Variants in TRIM46 observed in about 807,000 individuals in gnomAD.
TRIM46 encodes the protein tripartite motif-containing protein 46.
Under a neutral mutation model 69.7 loss-of-function variants are expected in TRIM46, and 17 were observed. The ratio of observed to expected loss-of-function variants is 0.24; its 90% CI spans 0.17 to 0.37. TRIM46 has a LOEUF of 0.37. TRIM46 is among the 10% of genes least tolerant of loss of function. The pLI is 1.00. For synonymous variants in TRIM46, 391 were observed against 429.0 expected, an observed-to-expected ratio of 0.91 and a Z score of 1.09; for missense variants, 675 against 1,025.1, an observed-to-expected ratio of 0.66 and a Z score of 4.66.
chr1:155,174,791 G>A (rs747598080), intron 1 of TRIM46: 1 of 1,454,628 alleles, frequency 6.9e-7, no homozygotes, highest in South Asian at 1.4e-5. Flanking sequence ...GGGTTGCGCT[G>A]CGGGAGAGGG....
At chr1:155,182,266 AAGT>A (rs1443754783) in intron 9 of TRIM46, 117 bp downstream of exon 9, 8 of 1,192,406 alleles carry the variant, frequency 6.7e-6, no homozygotes. Flanking sequence ...GATTAGGAGG[AAGT>A]AGTAGGAGCC....
chr1:155,174,967 C>G (rs759724685), intron 1 of TRIM46: 1 of 1,385,212 alleles, frequency 7.2e-7, no homozygotes, highest in Non-Finnish European at 9.3e-7. Flanking sequence ...GGAGGAATCA[C>G]GGCATGGGGG....
chr1:155,179,646 G>A lies in TRIM46; in HGVS notation c.1300G>A (p.Val434Ile). The stretch of plus-strand genomic sequence containing the variant: ...TCTTCCAACAGTGCCTGAGGCCCCC[G>A]TCATTGACACCCAGCGCACCTTTGC... ...LNFLRVPEAP[V>I]IDTQRTFAYD... Residue 434 changes from valine to isoleucine, a missense_variant, in exon 8 of 10, where the codon GTC (valine) becomes ATC (isoleucine). Val to Ile is a conservative substitution (Grantham distance 29). Transcript: ENST00000334634. The A allele has an allele frequency of 2.5e-6, 4 of 1,601,128 alleles. No homozygotes were observed. The highest frequency in any genetic ancestry group is 3.4e-6 in the Non-Finnish European group (4 of 1,171,612).
intron 9 of TRIM46, chr1:155,182,879 C>G (rs1666269577): frequency 6.6e-6 from 1 of 150,464 alleles, no homozygotes; most frequent in African/African-American, 2.4e-5. Context: ...CCTTAAACAT[C>G]CCACCTCCAT....
Position 155,182,768 on chromosome 1 carries a change from G to C in TRIM46, c.1886+619G>C, listed in dbSNP as rs183487790. 4.6e-5 allele frequency: 7 copies of C among 150,964 alleles called. No homozygotes were observed. In the East Asian group the frequency reaches 1.4e-3, roughly 31 times the overall value. The allele number at this position is 150,964 out of a possible 1,614,324, so 9.4% of individuals were successfully genotyped here. On this transcript the variant is annotated intron_variant, in intron 9 of 9. Transcript: ENST00000334634. ...TGAGGCAGGAGAATCACTTGAACCC[G>C]GGAGGTGGAGGTTGCGGTGAGCCAA...
chr1:155,179,971 T>C (rs770933322), intron 8 of TRIM46, 37 bp downstream of exon 8: 1 of 1,547,062 alleles, frequency 6.5e-7, no homozygotes, highest in Non-Finnish European at 8.7e-7. Context: ...GCAAAGGGCA[T>C]GGGGTATGCC....
intron 1 of TRIM46, chr1:155,174,694 A>G: frequency 1.4e-6 from 2 of 1,422,476 alleles, no homozygotes; most frequent in East Asian, 2.8e-5. Flanking sequence ...CGCCACCAAG[A>G]GGGGGAGGGG....
At chr1:155,178,739 T>TTGGGCCCCCCCCCCCCCCCCCCCCCCC in intron 7 of TRIM46, 126 bp downstream of exon 7, 4 of 1,348,474 alleles carry the variant, frequency 3.0e-6, no homozygotes, top group Non-Finnish European at 4.1e-6. Flanking sequence ...CAGCCATTCC[T>TTGGGCCCCCCCCCCCCCCCCCCCCCCC]CCCACCCAGC....
At chr1:155,176,326 A>G in intron 3 of TRIM46, 95 bp downstream of exon 3, 1 of 1,180,770 alleles carries the variant, frequency 8.5e-7, no homozygotes, top group Middle Eastern at 2.4e-4. Flanking sequence ...AGGAAGTGGG[A>G]AGGGTTTTCC....
At position 155,181,709 on chromosome 1, in the gene TRIM46, G is replaced by C; in HGVS notation, c.1589-143G>C. ...CATGCCCCCCATTCCAGTTTCCCAT[G>C]TCCTGTTCTCCTGAACCCCCTGCCT... On this transcript the variant is annotated intron_variant, in intron 8 of 9. Transcript: ENST00000334634. This position sits in a 1 kb window ranked among gnomAD's most constrained non-coding sequence, Gnocchi z 4.3. 1.2e-6 allele frequency: 1 copy of C among 825,264 alleles called. No homozygotes were observed. The highest frequency in any genetic ancestry group is 1.8e-6 in the Non-Finnish European group (1 of 542,168). The allele number at this position is 825,264 out of a possible 1,614,324, so 51.1% of individuals were successfully genotyped here. A position where few individuals can be genotyped will look rare whatever the true frequency, so the allele number is the denominator to read the frequency against.
Position 155,183,943 on chromosome 1 carries a change from G to A in TRIM46, c.2033G>A (p.Gly678Asp). The A allele has an allele frequency of 6.2e-7, 1 of 1,613,908 alleles. No individual in the cohort carries two copies. The highest frequency in any genetic ancestry group is 8.5e-7 in the Non-Finnish European group (1 of 1,180,030). The change falls in exon 10 of 10, where the codon GGC (glycine) becomes GAC (aspartate). Residue 678 changes from glycine to aspartate, a missense_variant. Coordinates refer to ENST00000334634, the MANE Select transcript of TRIM46 (RefSeq NM_025058.5). ...SSNAGLTGRD[G>D]PTAGCTVPLP... ...AACGCAGGGCTGACAGGGAGGGATG[G>A]CCCCACAGCCGGCTGCACAGTGCCC...
chr1:155,174,611 G>A, intron 1 of TRIM46: 2 of 1,529,426 alleles, frequency 1.3e-6, no homozygotes, highest in Non-Finnish European at 1.7e-6. Context: ...CTGCGCCCCT[G>A]ACCGGGATGG....
intron 7 of TRIM46, 71 bp from the exon 8 acceptor site, chr1:155,179,561 C>T: frequency 6.9e-7 from 1 of 1,454,012 alleles, no homozygotes; most frequent in Non-Finnish European, 9.2e-7. Context: ...TTCCCTTTTC[C>T]TGCCTGCCCC....
In TRIM46 at chr1:155,181,202, T is replaced by C. The variant is rs981881540; in HGVS notation, c.1589-650T>C. 4.4e-4 allele frequency among the ~76,000 whole-genome samples: 67 copies of C among 152,350 alleles called. No individual in the cohort carries two copies. The highest frequency in any genetic ancestry group is 1.6e-3 in the African/African-American group (67 of 41,586). ...TTGCAGTGAGCCAAGATTGCGCCAC[T>C]GCACTCCAGCCTGGGGAACAGTGTG... On this transcript the variant is annotated intron_variant, in intron 8 of 9. Coordinates refer to ENST00000334634, the MANE Select transcript of TRIM46 (RefSeq NM_025058.5). This position sits in a 1 kb window ranked among gnomAD's most constrained non-coding sequence, Gnocchi z 4.3.
Position 155,181,259 on chromosome 1 carries a change from T to A in TRIM46, c.1589-593T>A, listed in dbSNP as rs1252508567. Among the ~76,000 whole-genome samples the A allele has an allele frequency of 1.3e-5, 2 of 152,172 alleles. No homozygotes were observed. The highest frequency in any genetic ancestry group is 2.9e-5 in the Non-Finnish European group (2 of 68,024). ...CGTCTCAAAAACATATATATATTTTTAAAAAATGATAATGCTTACCTCATA... is the reference window on the plus strand; with the variant it reads ...CGTCTCAAAAACATATATATATTTTAAAAAAATGATAATGCTTACCTCATA... On this transcript the variant is annotated intron_variant, in intron 8 of 9. Transcript: ENST00000334634. The surrounding 1 kb of genome is among the most constrained non-coding windows in gnomAD (Gnocchi z 4.3).
chr1:155,182,369 G>C, intron 9 of TRIM46: 1 of 598,358 alleles, frequency 1.7e-6, no homozygotes, highest in Non-Finnish European at 3.0e-6. Flanking sequence ...ATGTCGTGTG[G>C]TCAGGGAAAG....
intron 7 of TRIM46, chr1:155,178,887 G>C (rs770361350): frequency 7.4e-7 from 1 of 1,347,542 alleles, no homozygotes; most frequent in South Asian, 1.2e-5. Context: ...GCCCGCCGCC[G>C]GGCCCCCTTC....
Position 155,181,988 on chromosome 1 carries a change from C to A in TRIM46, c.1725C>A (p.His575Gln), listed in dbSNP as rs1225160215. ...LAADRLLTGC[H>Q]LSVDVVLGDV... is the part of the protein sequence containing the mutation. ...CTGACCGGCTGCTGACCGGCTGCCA[C>A]CTGAGTGTGGATGTGGTCCTGGGCG... Residue 575 changes from histidine (H) to glutamine (Q), a missense_variant, in exon 9 of 10, where the codon CAC becomes CAA. Coordinates refer to ENST00000334634, the MANE Select transcript of TRIM46 (RefSeq NM_025058.5). The surrounding 1 kb of genome is among the most constrained non-coding windows in gnomAD (Gnocchi z 4.3). The A allele has an allele frequency of 6.2e-7, 1 of 1,613,750 alleles. No individual in the cohort carries two copies. The highest frequency in any genetic ancestry group is 8.5e-7 in the Non-Finnish European group (1 of 1,179,918).
Position 155,175,432 on chromosome 1 carries a change from A to C in TRIM46, c.110A>C (p.Gln37Pro). 6.2e-7 allele frequency: 1 copy of C among 1,614,134 alleles called. No individual in the cohort carries two copies. Among genetic ancestry groups the C allele is most frequent in the Non-Finnish European group, 8.5e-7 (1 of 1,179,988 alleles). Residue 37 changes from glutamine to proline, a missense_variant, in exon 2 of 10, where the codon CAA becomes CCA. By Grantham distance (76) the Gln-to-Pro change is moderately conservative. Around this residue, in one of 5 missense-constraint regions of TRIM46, gnomAD observed 170 missense variants for 255.6 expected, o/e 0.67. Coordinates refer to ENST00000334634, the MANE Select transcript of TRIM46 (RefSeq NM_025058.5). This position sits in a 1 kb window ranked among gnomAD's most constrained non-coding sequence, Gnocchi z 4.2. ...AAGGAACTGCTGTGCCCAGTGTGTC[A>C]AGAGATGTACAAGCAGCCACTGGTG... ...MEKELLCPVCQEMYKQPLVLP... is the reference protein window; with the variant it reads ...MEKELLCPVCPEMYKQPLVLP...
Sources: allele counts gnomAD v4.1 joint callset (sites outside exome capture counted in the v4.1 genomes callset), GRCh38; gene constraint gnomAD v4.1.1; regional missense constraint gnomAD v4.1.1; non-coding constraint Gnocchi (gnomAD v3.1); transcripts MANE v1.5; gene names NCBI Gene and HGNC (gene_info 2026-07-23, HGNC 2026-07-21).